Variants in NCK2 observed in about 807,000 individuals in gnomAD.
NCK2 encodes cytoplasmic protein NCK2.
A neutral mutation model predicts 33.9 loss-of-function variants in NCK2; 16 were observed. The ratio of observed to expected loss-of-function variants is 0.47; its 90% confidence interval spans 0.32 to 0.72. The LOEUF is 0.72. Ranked by LOEUF, NCK2 falls within the 30% of genes least tolerant of loss-of-function variation. The pLI is 0.03. For missense variants in NCK2, 418 were observed against 537.3 expected (o/e 0.78, Z 2.19); for synonymous variants, 273 against 239.9 (o/e 1.14, Z -1.27).
chr2:105,819,993 G>A (rs1675662563), intron 2 of NCK2, among the ~76,000 whole-genome samples: 1 of 152,184 alleles, frequency 6.6e-6, no homozygotes, highest in Non-Finnish European at 1.5e-5. Context: ...GACAGTTTGG[G>A]ACTGTGCTAA....
chr2:105,840,217 G>T (rs909956779), intron 2 of NCK2, among the ~76,000 whole-genome samples: 17 of 152,116 alleles, frequency 1.1e-4, no homozygotes, highest in Non-Finnish European at 2.4e-4. Flanking sequence ...AGACACAGTA[G>T]CTCCAGGGAA....
chr2:105,847,326 AAAAAG>A (rs1009292429), intron 2 of NCK2: 12 of 152,248 alleles, frequency 7.9e-5, no homozygotes, highest in African/African-American at 2.9e-4. Context: ...GGTGAAAAAA[AAAAAG>A]AATATGGTTA....
chr2:105,855,555 C>G (rs1054107433), intron 3 of NCK2: 1 of 335,896 alleles, frequency 3.0e-6, no homozygotes, highest in Non-Finnish European at 5.5e-6. Context: ...CTCCTTGTAT[C>G]AAAACGTTAG....
Position 105,881,356 on chromosome 2 carries a change from C to T in NCK2, c.255C>T (p.Ser85=). 6.2e-7 allele frequency: 1 copy of T among 1,604,510 alleles called. No individual in the cohort carries two copies. The highest frequency in any genetic ancestry group is 2.2e-5 in the East Asian group (1 of 44,800). The change falls in exon 4 of 5, where the codon AGC becomes AGT. Residue 85 remains serine, a synonymous_variant. Transcript: ENST00000233154. The part of the protein sequence containing the change: ...LGLGKTRRKT[S]ARDASPTPST... ...TCGGCAAGACGCGCAGGAAGACCAGCGCGCGGGATGCGTCCCCCACGCCCA... is the reference window on the plus strand; with the variant it reads ...TCGGCAAGACGCGCAGGAAGACCAGTGCGCGGGATGCGTCCCCCACGCCCA...
At chr2:105,754,636 G>C (rs889720483) in intron 1 of NCK2, among the ~76,000 whole-genome samples, 5 of 151,854 alleles carry the variant, frequency 3.3e-5, no homozygotes, top group East Asian at 3.9e-4. Context: ...TGGGAGGTTG[G>C]GGGGAGCTGC....
At chr2:105,880,968 T>G (rs921855068) in intron 3 of NCK2, among the ~76,000 whole-genome samples, 7 of 128,222 alleles carry the variant, frequency 5.5e-5, no homozygotes, top group Non-Finnish European at 8.1e-5. Context: ...TTTTTTTTTT[T>G]GCAGACACGG....
At chr2:105,817,597 C>A (rs933399061) in intron 2 of NCK2, among the ~76,000 whole-genome samples, 4 of 152,088 alleles carry the variant, frequency 2.6e-5, no homozygotes, top group African/African-American at 9.7e-5. Flanking sequence ...AAAAAAACAA[C>A]CCCATCAACA....
chr2:105,853,612 A>T (rs1033552837), intron 2 of NCK2, among the ~76,000 whole-genome samples: 1 of 152,172 alleles, frequency 6.6e-6, no homozygotes, highest in Admixed American at 6.5e-5. Context: ...CCAGTATGTC[A>T]TACCGTTTTA....
At chr2:105,892,873 G>C in intron 4 of NCK2, 109 bp from the exon 5 acceptor site, 2 of 807,908 alleles carry the variant, frequency 2.5e-6, no homozygotes, top group Non-Finnish European at 3.8e-6. Context: ...CAGAGACCCA[G>C]TGTTTGAGCA....
At chr2:105,791,764 A>G (rs1292032555) in intron 1 of NCK2, among the ~76,000 whole-genome samples, 3 of 152,184 alleles carry the variant, frequency 2.0e-5, no homozygotes, top group African/African-American at 7.2e-5. Context: ...AATTTGATCC[A>G]TGTAAAAATG....
At chr2:105,820,524 G>T (rs1479814614) in intron 2 of NCK2, among the ~76,000 whole-genome samples, 1 of 152,128 alleles carries the variant, frequency 6.6e-6, no homozygotes, top group African/African-American at 2.4e-5. Flanking sequence ...CTGTTTTCTG[G>T]TCTCCCCATT....
intron 1 of NCK2, among the ~76,000 whole-genome samples, chr2:105,768,572 G>A (rs1416317181): frequency 6.6e-6 from 1 of 152,230 alleles, no homozygotes; most frequent in East Asian, 1.9e-4. Context: ...CTTATTGTTA[G>A]TGGTTCCTAT....
chr2:105,841,004 A>G (rs1676624483), intron 2 of NCK2, among the ~76,000 whole-genome samples: 1 of 152,202 alleles, frequency 6.6e-6, no homozygotes, highest in African/African-American at 2.4e-5. Context: ...ACTTTAGGTC[A>G]GTAATTGAGG....
At position 105,893,353 on chromosome 2, in the gene NCK2, C is replaced by G. The variant is rs1679077288; in HGVS notation, c.*177C>G. On this transcript the variant is annotated 3_prime_UTR_variant, in exon 5 of 5. Transcript: ENST00000233154. ...TTGCCATCCAGGCCTCACACCCACA[C>G]TCGAGCCCACCCGGCCGGCCAGCTT... is the stretch of plus-strand genomic sequence containing the variant. 1 of 597,512 alleles carries G rather than the reference C, an allele frequency of 1.7e-6. No homozygotes were observed. Among genetic ancestry groups the G allele is most frequent in the Non-Finnish European group, 2.9e-6 (1 of 347,512 alleles). 37.0% of individuals were successfully genotyped at this position (597,512 alleles called of 1,614,324 possible). A position where few individuals can be genotyped will look rare whatever the true frequency, so the allele number is the denominator to read the frequency against.
At chr2:105,824,762 T>C (rs1178473227) in intron 2 of NCK2, among the ~76,000 whole-genome samples, 1 of 152,050 alleles carries the variant, frequency 6.6e-6, no homozygotes, top group African/African-American at 2.4e-5. Flanking sequence ...AGAGGGTAGA[T>C]GAAGTTGGGT....
chr2:105,835,393 A>ATATATATATATATATATGTGTG lies in NCK2; in HGVS notation c.-17+18792_-17+18793insTATATGTGTGTATATATATATA, dbSNP rs371518634. Among the ~76,000 whole-genome samples the ATATATATATATATATATGTGTG allele has an allele frequency of 7.0e-4, 36 of 51,672 alleles. 1 individual carries two copies. The East Asian group carries it at 0.016, about 23-fold the overall frequency. 33.9% of individuals were successfully genotyped at this position (51,672 alleles called of 152,430 possible). ...TATATATACATATATATACACATATATATATATATATACGTGTATATATAT... is the reference window on the plus strand; with the variant it reads ...TATATATACATATATATACACATATATATATATATATATATATGTGTGTATATATATATACGTGTATATATAT... On this transcript the variant is annotated intron_variant, in intron 2 of 4. Transcript: ENST00000233154.
chr2:105,758,649 C>G (rs1689669833), intron 1 of NCK2, among the ~76,000 whole-genome samples: 1 of 152,082 alleles, frequency 6.6e-6, no homozygotes, highest in East Asian at 1.9e-4. Flanking sequence ...ACCTTGTGAT[C>G]CACCCGCCTC....
intron 1 of NCK2, among the ~76,000 whole-genome samples, chr2:105,801,892 A>G (rs939992827): frequency 2.3e-4 from 35 of 152,112 alleles, no homozygotes; most frequent in African/African-American, 8.0e-4. Flanking sequence ...TGGAGCTGGC[A>G]TTGCATTCCA....
chr2:105,806,605 A>G (rs1381715093), intron 1 of NCK2, among the ~76,000 whole-genome samples: 35 of 152,162 alleles, frequency 2.3e-4, no homozygotes, highest in Admixed American at 2.3e-3. Context: ...CCACTTTTAA[A>G]TGGAAAATTT....
Sources: gnomAD v4.1 joint callset for allele counts (sites outside exome capture counted in the v4.1 genomes callset) on GRCh38, gnomAD v4.1.1 for gene constraint, MANE v1.5 for transcripts, NCBI Gene and HGNC (gene_info 2026-07-23, HGNC 2026-07-21) for gene names.